APLP2: variants seen among roughly 807,000 people sequenced by gnomAD.
The protein encoded by APLP2 is CDEI box-binding protein.
APLP2 carries 53 observed loss-of-function variants against 89.9 expected under a neutral mutation model. The observed-to-expected ratio is 0.59, with a 90% confidence interval of 0.47 to 0.74. The LOEUF (loss-of-function observed/expected upper bound fraction) is 0.74. Ranked by LOEUF, APLP2 falls within the 30% of genes least tolerant of loss-of-function variation. The pLI is 0.00. For synonymous variants in APLP2, 372 were observed against 348.6 expected (o/e 1.07, Z -0.75); for missense variants, 973 against 975.9 (o/e 1.00, Z 0.04).
chr11:130,122,647 C>G, intron 6 of APLP2, 134 bp downstream of exon 6: 1 of 1,447,358 alleles, frequency 6.9e-7, no homozygotes, highest in Non-Finnish European at 9.3e-7. Flanking sequence ...GTGAGTTCAG[C>G]TCTCCAGTGC....
At chr11:130,113,558 G>GGGTGA (rs1948837144) in intron 3 of APLP2, among the ~76,000 whole-genome samples, 1 of 152,092 alleles carries the variant, frequency 6.6e-6, no homozygotes, top group African/African-American at 2.4e-5. Flanking sequence ...AACGAATAAG[G>GGGTGA]GGTGACATGA....
intron 13 of APLP2, among the ~76,000 whole-genome samples, chr11:130,136,083 G>C (rs967365838): frequency 6.6e-6 from 1 of 152,166 alleles, no homozygotes; most frequent in African/African-American, 2.4e-5. Context: ...GTGCTGGAGA[G>C]GCTGAGGAGG....
intron 1 of APLP2, among the ~76,000 whole-genome samples, chr11:130,098,181 C>T (rs11221954): frequency 0.1 from 15,329 of 151,922 alleles, 1,176 homozygotes; most frequent in African/African-American, 0.21. Context: ...CTGAGGTGGG[C>T]GGATCATGAG....
At position 130,121,751 on chromosome 11, in the gene APLP2, GGAAGAT is replaced by G. The variant is rs750228847; in HGVS notation, c.660_665del (p.Asp220_Glu221del). The stretch of plus-strand genomic sequence containing the variant: ...GATCTGTGTCAAAAGAAGAGGAAGA[GGAAGAT>G]GAAGAGGAAGAGGAAGAGGAAGATG... On this transcript the variant is annotated inframe_deletion, in exon 5 of 17. Transcript: ENST00000338167. The G allele has an allele frequency of 7.5e-4, 1,216 of 1,610,680 alleles. 4 individuals carry two copies. The African/African-American group carries it at 0.013, about 17-fold the overall frequency.
At chr11:130,122,655 T>G in intron 6 of APLP2, 142 bp downstream of exon 6, 1 of 1,418,150 alleles carries the variant, frequency 7.1e-7, no homozygotes, top group Non-Finnish European at 9.5e-7. Flanking sequence ...AGCTCTCCAG[T>G]GCAGTGATGG....
intron 1 of APLP2, among the ~76,000 whole-genome samples, chr11:130,072,114 C>T (rs1210039506): frequency 6.6e-6 from 1 of 152,146 alleles, no homozygotes; most frequent in Non-Finnish European, 1.5e-5. Context: ...ATCTCTTACA[C>T]CTGTTTAAAA....
intron 1 of APLP2, among the ~76,000 whole-genome samples, chr11:130,076,369 G>A (rs1269139320): frequency 6.6e-6 from 1 of 152,156 alleles, no homozygotes; most frequent in Non-Finnish European, 1.5e-5. Flanking sequence ...GCCACTGCGG[G>A]CCCAGCTCTT....
chr11:130,102,027 C>T lies in APLP2; in HGVS notation c.106-7402C>T, dbSNP rs1431494016. 1.3e-4 allele frequency: 61 copies of T among 453,734 alleles called. No homozygotes were observed. In the Admixed American group the frequency reaches 1.5e-3, roughly 11 times the overall value. 28.1% of individuals were successfully genotyped at this position (453,734 alleles called of 1,614,324 possible). A position where few individuals can be genotyped will look rare whatever the true frequency, so the allele number is the denominator to read the frequency against. Reference sequence around the variant, plus strand: ...TAGGTGTCTGATGTGTGTCTCTGCTCTCAAGTAATTGTTTTCCCTTTTGTA... The same window carrying T: ...TAGGTGTCTGATGTGTGTCTCTGCTTTCAAGTAATTGTTTTCCCTTTTGTA... On this transcript the variant is annotated intron_variant, in intron 1 of 16. Transcript: ENST00000338167.
chr11:130,129,787 C>T (rs1950736697), intron 10 of APLP2, among the ~76,000 whole-genome samples: 1 of 152,160 alleles, frequency 6.6e-6, no homozygotes, highest in Non-Finnish European at 1.5e-5. Context: ...CAGAAGAGAA[C>T]GGGAGTGGGC....
chr11:130,125,094 C>G (rs1232391662), intron 7 of APLP2, among the ~76,000 whole-genome samples: 1 of 152,172 alleles, frequency 6.6e-6, no homozygotes, highest in Non-Finnish European at 1.5e-5. Flanking sequence ...GCCTGGAGGG[C>G]TTTGCAGGTT....
chr11:130,143,582 A>G lies in APLP2; in HGVS notation c.*134A>G, dbSNP rs182977213. The stretch of plus-strand genomic sequence containing the variant: ...TCCTGACCTCCTGGACTGTAGGACT[A>G]TATAAAGTACTACTGTAGAACTGCA... On this transcript the variant is annotated 3_prime_UTR_variant, in exon 17 of 17. Coordinates refer to ENST00000338167, the MANE Select transcript of APLP2 (RefSeq NM_001142276.2). 6.2e-3 allele frequency: 4,268 copies of G among 692,616 alleles called. 31 individuals are homozygous for G. Among genetic ancestry groups the G allele is most frequent in the Non-Finnish European group, 7.9e-3 (3,108 of 394,692 alleles). 42.9% of individuals were successfully genotyped at this position (692,616 alleles called of 1,614,324 possible). A position where few individuals can be genotyped will look rare whatever the true frequency, so the allele number is the denominator to read the frequency against.
intron 1 of APLP2, among the ~76,000 whole-genome samples, chr11:130,090,932 C>T (rs1944932110): frequency 6.9e-6 from 1 of 145,762 alleles, no homozygotes; most frequent in African/African-American, 2.6e-5. Context: ...GGGCGGCTGG[C>T]CGGGCGGGGG....
At chr11:130,087,874 C>CT (rs1270272810) in intron 1 of APLP2, among the ~76,000 whole-genome samples, 5 of 151,908 alleles carry the variant, frequency 3.3e-5, no homozygotes, top group Admixed American at 6.6e-5. Flanking sequence ...CAAGATTAAT[C>CT]TTGTGAATTG....
At chr11:130,104,757 T>G (rs914852564) in intron 1 of APLP2, among the ~76,000 whole-genome samples, 2 of 151,194 alleles carry the variant, frequency 1.3e-5, no homozygotes, top group Admixed American at 6.6e-5. Context: ...CTTTAATAAA[T>G]GAATATTCGT....
intron 1 of APLP2, among the ~76,000 whole-genome samples, chr11:130,082,974 A>G (rs772202038): frequency 1.3e-5 from 2 of 149,108 alleles, no homozygotes; most frequent in South Asian, 2.1e-4. Context: ...CTTTTTGTGT[A>G]TATGGTAAAA....
intron 3 of APLP2, among the ~76,000 whole-genome samples, chr11:130,115,682 T>A (rs1949079805): frequency 6.6e-6 from 1 of 152,238 alleles, no homozygotes; most frequent in Admixed American, 6.5e-5. Context: ...CCAGCTTGAA[T>A]ATAAATTACT....
At chr11:130,070,519 A>G (rs1014211708) in intron 1 of APLP2, 19 of 1,223,022 alleles carry the variant, frequency 1.6e-5, no homozygotes, top group Non-Finnish European at 1.8e-5. Context: ...CTCGCGCGGC[A>G]CCGGGGCCTC....
At chr11:130,095,110 T>TAATG (rs60317307) in intron 1 of APLP2, among the ~76,000 whole-genome samples, 125,520 of 151,878 alleles carry the variant, frequency 0.83, 52,501 homozygotes, top group African/African-American at 0.95. Context: ...TATGTTATAA[T>TAATG]GAGATAGACC....
In APLP2 at chr11:130,120,711, G is replaced by A; in HGVS notation, c.409G>A (p.Glu137Lys). ...FVTPFKCLVG[E>K]FVSDVLLVPE... ...ACAAAGATTCTCTTTTCCAGTGGGT[G>A]AATTTGTAAGTGATGTCCTGCTAGT... is the stretch of plus-strand genomic sequence containing the variant. The change falls in exon 4 of 17, where the codon GAA (glutamate) becomes AAA (lysine). Residue 137 changes from glutamate to lysine, a missense_variant. Coordinates refer to ENST00000338167, the MANE Select transcript of APLP2 (RefSeq NM_001142276.2). 2 of 1,613,080 alleles carry A rather than the reference G, an allele frequency of 1.2e-6. No homozygotes were observed. Among genetic ancestry groups the A allele is most frequent in the Admixed American group, 1.7e-5 (1 of 60,012 alleles).
Sources: allele counts gnomAD v4.1 joint callset (sites outside exome capture counted in the v4.1 genomes callset), GRCh38; gene constraint gnomAD v4.1.1; transcripts MANE v1.5; gene names NCBI Gene and HGNC (gene_info 2026-07-23, HGNC 2026-07-21).